The following PRKG1 variants were observed in gnomAD, a reference collection of about 807,000 sequenced individuals.
PRKG1 encodes protein kinase cGMP-dependent 1, also known as cGMP-dependent protein kinase 1.
PRKG1 carries 35 observed loss-of-function variants against 88.1 expected under a neutral mutation model. The ratio of observed to expected loss-of-function variants is 0.40; its 90% CI spans 0.30 to 0.53. The LOEUF (loss-of-function observed/expected upper bound fraction) is 0.53. PRKG1 is among the 20% of genes least tolerant of loss of function. The pLI, the probability that PRKG1 is intolerant of heterozygous loss-of-function variation, is 0.59. For missense variants in PRKG1, 540 were observed against 839.8 expected (o/e 0.64, Z 4.41); for synonymous variants, 303 against 292.5 (o/e 1.04, Z -0.37).
intron 7 of PRKG1, among the ~76,000 whole-genome samples, chr10:52,123,235 A>G (rs1467484512): frequency 6.6e-6 from 1 of 152,204 alleles, no homozygotes; most frequent in Non-Finnish European, 1.5e-5. Context: ...TTCTCTATTT[A>G]GTTATTGTGT....
chr10:51,958,154 G>T (rs1315044286), intron 5 of PRKG1, among the ~76,000 whole-genome samples: 1 of 152,102 alleles, frequency 6.6e-6, no homozygotes, highest in East Asian at 1.9e-4. Flanking sequence ...TACACTTATT[G>T]TGATACAAGA....
At chr10:51,415,014 A>C (rs1162447428) in intron 2 of PRKG1, among the ~76,000 whole-genome samples, 1 of 152,318 alleles carries the variant, frequency 6.6e-6, no homozygotes, top group African/African-American at 2.4e-5. Context: ...ACATGTATTA[A>C]CTCAATTATT....
intron 1 of PRKG1, among the ~76,000 whole-genome samples, chr10:51,151,895 C>A (rs981425601): frequency 6.6e-6 from 1 of 152,002 alleles, no homozygotes; most frequent in Non-Finnish European, 1.5e-5. Flanking sequence ...ACGCTTTAGT[C>A]AGTGTTCACT....
chr10:51,804,730 C>A lies in PRKG1; in HGVS notation c.698+40C>A, dbSNP rs775986888. 6 of 1,388,776 alleles carry A rather than the reference C, an allele frequency of 4.3e-6. No individual in the cohort carries two copies. The South Asian group carries it at 4.8e-5, about 11-fold the overall frequency. The allele number at this position is 1,388,776 out of a possible 1,614,324, so 86.0% of individuals were successfully genotyped here. ...TTTCTCTTGTGAGAGTGTTTACTTT[C>A]CTTTTAGCCCTATTATCTGAAATGC... On this transcript the variant is annotated intron_variant, in intron 4 of 17. Transcript: ENST00000373980.
chr10:51,350,085 G>A (rs112297885), intron 2 of PRKG1, among the ~76,000 whole-genome samples: 116 of 152,288 alleles, frequency 7.6e-4, no homozygotes, highest in African/African-American at 2.7e-3. Context: ...GCTAATGACT[G>A]TGCTGAGTTC....
intron 4 of PRKG1, among the ~76,000 whole-genome samples, chr10:51,894,487 A>G (rs1229846053): frequency 6.6e-6 from 1 of 152,210 alleles, no homozygotes; most frequent in African/African-American, 2.4e-5. Flanking sequence ...GTTGCATAAC[A>G]ATATGAATAT....
At chr10:51,803,758 T>C (rs1839234866) in intron 3 of PRKG1, among the ~76,000 whole-genome samples, 1 of 152,174 alleles carries the variant, frequency 6.6e-6, no homozygotes, top group African/African-American at 2.4e-5. Context: ...ATATTTTATG[T>C]CATGAAAATT....
chr10:51,382,818 T>C (rs934638733), intron 2 of PRKG1, among the ~76,000 whole-genome samples: 3 of 152,194 alleles, frequency 2.0e-5, no homozygotes, highest in Non-Finnish European at 2.9e-5. Flanking sequence ...ACTTTGCTTT[T>C]CCGTTTAACC....
At chr10:52,137,297 G>GT (rs1175662801) in intron 8 of PRKG1, among the ~76,000 whole-genome samples, 1 of 151,916 alleles carries the variant, frequency 6.6e-6, no homozygotes, top group Non-Finnish European at 1.5e-5. Flanking sequence ...CTAAATATTG[G>GT]TTTTTTGTAG....
chr10:51,585,549 C>T (rs920683212), intron 3 of PRKG1, among the ~76,000 whole-genome samples: 4 of 152,018 alleles, frequency 2.6e-5, no homozygotes, highest in Admixed American at 6.6e-5. Flanking sequence ...CCATTTTCTG[C>T]GAATTCCAGG....
chr10:51,629,878 G>C (rs1201988610), intron 3 of PRKG1, among the ~76,000 whole-genome samples: 1 of 152,108 alleles, frequency 6.6e-6, no homozygotes, highest in Admixed American at 6.5e-5. Context: ...GAAGGCCCTG[G>C]CTCCATCTCT....
At chr10:51,142,520 C>A (rs1005775078) in intron 1 of PRKG1, among the ~76,000 whole-genome samples, 1 of 151,888 alleles carries the variant, frequency 6.6e-6, no homozygotes, top group African/African-American at 2.4e-5. Flanking sequence ...GAGAGAGACA[C>A]AGACATAGAG....
At chr10:51,855,894 AATT>A (rs1240626077) in intron 4 of PRKG1, among the ~76,000 whole-genome samples, 1 of 152,212 alleles carries the variant, frequency 6.6e-6, no homozygotes, top group Non-Finnish European at 1.5e-5. Flanking sequence ...TAAGAAAACA[AATT>A]ATTATTTTAT....
chr10:52,038,105 TGTATTGGG>T (rs1845663865), intron 5 of PRKG1, among the ~76,000 whole-genome samples: 1 of 152,128 alleles, frequency 6.6e-6, no homozygotes, highest in Non-Finnish European at 1.5e-5. Context: ...CTGTCGAGTT[TGTATTGGG>T]GTCAAGCAGC....
chr10:51,795,990 G>A (rs1426605771), intron 3 of PRKG1, among the ~76,000 whole-genome samples: 1 of 152,096 alleles, frequency 6.6e-6, no homozygotes, highest in Admixed American at 6.6e-5. Flanking sequence ...TTCTACTGCA[G>A]GGGAAACATG....
intron 4 of PRKG1, among the ~76,000 whole-genome samples, chr10:51,893,938 G>A (rs1030413884): frequency 2.0e-5 from 3 of 152,090 alleles, no homozygotes; most frequent in African/African-American, 7.2e-5. Flanking sequence ...TTAGAGAGGA[G>A]ACAAATATAC....
intron 3 of PRKG1, among the ~76,000 whole-genome samples, chr10:51,788,094 G>A (rs932436813): frequency 3.9e-5 from 6 of 152,194 alleles, no homozygotes; most frequent in Non-Finnish European, 7.3e-5. Flanking sequence ...CATGAAAAAG[G>A]AGTATGTTTA....
In PRKG1 at chr10:51,992,382, A is replaced by T. The variant is rs183350502; in HGVS notation, c.763-62102A>T. Among the ~76,000 whole-genome samples the T allele has an allele frequency of 7.3e-3, 1,082 of 148,988 alleles. 16 individuals carry two copies. Among genetic ancestry groups the T allele is most frequent in the African/African-American group, 0.023 (953 of 40,604 alleles). On this transcript the variant is annotated intron_variant, in intron 5 of 17. Coordinates refer to ENST00000373980, the MANE Select transcript of PRKG1 (RefSeq NM_006258.4). ...CTTTAACAGTTTTCATTTCCTTTTT[A>T]AAAAAAAAATCTTTAATGTATTGTA... is the stretch of plus-strand genomic sequence containing the variant.
At chr10:52,208,972 G>C (rs1839887661) in intron 9 of PRKG1, among the ~76,000 whole-genome samples, 2 of 151,884 alleles carry the variant, frequency 1.3e-5, no homozygotes, top group African/African-American at 4.8e-5. Context: ...TTTTTTGTTT[G>C]TTTTCACTGA....
Sources: gnomAD v4.1 joint callset for allele counts (sites outside exome capture counted in the v4.1 genomes callset) on GRCh38, gnomAD v4.1.1 for gene constraint, MANE v1.5 for transcripts, NCBI Gene and HGNC (gene_info 2026-07-23, HGNC 2026-07-21) for gene names.